The following SCN11A variants were observed in gnomAD, a reference collection of about 807,000 sequenced individuals.
SCN11A encodes the protein sodium channel protein type 11 subunit alpha.
A neutral mutation model predicts 162.2 loss-of-function variants in SCN11A; 122 were observed. The observed-to-expected ratio is 0.75, with a 90% CI of 0.65 to 0.87. The LOEUF is 0.87. Ranked by LOEUF, SCN11A falls within the 40% of genes least tolerant of loss-of-function variation. SCN11A has a pLI of 0.00. For synonymous variants in SCN11A, 758 were observed against 751.5 expected (o/e 1.01, Z -0.14); for missense variants, 2,015 against 2,181.6 (o/e 0.92, Z 1.52).
At chr3:38,893,010 G>C (rs531358058) in intron 19 of SCN11A, among the ~76,000 whole-genome samples, 218 of 152,106 alleles carry the variant, frequency 1.4e-3, no homozygotes, top group African/African-American at 4.8e-3. Context: ...TAAATAAACT[G>C]AATTAACAAC....
intron 19 of SCN11A, among the ~76,000 whole-genome samples, chr3:38,890,400 A>G (rs1023092069): frequency 5.9e-5 from 9 of 152,244 alleles, no homozygotes; most frequent in African/African-American, 1.9e-4. Flanking sequence ...CTTGAAAACA[A>G]TGGATATTGG....
rs911432715 is a variant in SCN11A, at chr3:38,886,946, C to T, written c.2836-708G>A. Among the ~76,000 whole-genome samples the T allele has an allele frequency of 3.9e-5, 6 of 152,126 alleles. 1 individual carries two copies. Among genetic ancestry groups the T allele is most frequent in the Admixed American group, 3.9e-4 (6 of 15,264 alleles). On this transcript the variant is annotated intron_variant, in intron 19 of 29. Coordinates refer to ENST00000302328, the MANE Select transcript of SCN11A (RefSeq NM_001349253.2). ...TCTTCTTTTCCTCTTCCTCTTTCCC[C>T]TCCAAGTCTCAAGATACAACTTTGA...
chr3:38,959,791 C>T (rs1379276566), intron 3 of SCN11A, among the ~76,000 whole-genome samples: 1 of 152,174 alleles, frequency 6.6e-6, no homozygotes, highest in Non-Finnish European at 1.5e-5. Context: ...AGAAAGCAAA[C>T]GAACATGATC....
chr3:38,904,837 CAA>C (rs2065767360), intron 15 of SCN11A, among the ~76,000 whole-genome samples: 1 of 152,174 alleles, frequency 6.6e-6, no homozygotes. Flanking sequence ...CTGGAGACTT[CAA>C]AGTCTTCTGT....
chr3:38,995,564 G>T (rs1204171240), intron 2 of SCN11A, among the ~76,000 whole-genome samples: 2 of 152,164 alleles, frequency 1.3e-5, no homozygotes, highest in African/African-American at 2.4e-5. Context: ...AGAACAGAAA[G>T]GAAGAGGAAG....
In SCN11A at chr3:38,897,103, G is replaced by A; in HGVS notation, c.2145C>T (p.Phe715=). ...TVVLVIVIFI[F]SVVGMQLFGR... is the part of the protein sequence containing the mutation. ...CAAAAAGCTGCATGCCAACTACTGA[G>A]AAAATAAAGATCACAATGACCAGGA... The change falls in exon 18 of 30, where the codon TTC becomes TTT. Residue 715 remains phenylalanine (F), a synonymous_variant. Transcript: ENST00000302328. The A allele has an allele frequency of 6.2e-7, 1 of 1,614,058 alleles. No homozygotes were observed. The highest frequency in any genetic ancestry group is 8.5e-7 in the Non-Finnish European group (1 of 1,179,994).
At chr3:38,918,627 T>C (rs2065998196) in intron 11 of SCN11A, among the ~76,000 whole-genome samples, 1 of 152,154 alleles carries the variant, frequency 6.6e-6, no homozygotes, top group Non-Finnish European at 1.5e-5. Flanking sequence ...CAGGGACCGG[T>C]TTCATGGAAG....
At chr3:38,882,706 A>C (rs1334059172) in intron 22 of SCN11A, among the ~76,000 whole-genome samples, 2 of 151,990 alleles carry the variant, frequency 1.3e-5, no homozygotes, top group Non-Finnish European at 2.9e-5. Flanking sequence ...TCTCATTGGG[A>C]CTCATACCAC....
At chr3:38,896,020 A>C (rs1046191806) in intron 18 of SCN11A, among the ~76,000 whole-genome samples, 2 of 152,196 alleles carry the variant, frequency 1.3e-5, no homozygotes, top group African/African-American at 4.8e-5. Context: ...CCTCCTCATA[A>C]ATATCTATGC....
intron 14 of SCN11A, among the ~76,000 whole-genome samples, chr3:38,907,357 TACACAC>T (rs376599495): frequency 0.047 from 6,074 of 128,430 alleles, 204 homozygotes; most frequent in Middle Eastern, 0.11. Flanking sequence ...TATCTATATA[TACACAC>T]ACACACACAC....
intron 23 of SCN11A, among the ~76,000 whole-genome samples, chr3:38,878,327 G>C (rs1455572631): frequency 1.3e-5 from 2 of 151,814 alleles, no homozygotes; most frequent in Non-Finnish European, 2.9e-5. Flanking sequence ...GTGAATTTGG[G>C]CAATTTATAG....
intron 1 of SCN11A, among the ~76,000 whole-genome samples, chr3:39,040,877 G>C (rs541363214): frequency 3.6e-4 from 55 of 152,072 alleles, no homozygotes; most frequent in African/African-American, 1.3e-3. Flanking sequence ...AGGAGATCGA[G>C]ACCATCCTGA....
At chr3:38,959,716 T>G (rs937070868) in intron 3 of SCN11A, among the ~76,000 whole-genome samples, 1 of 152,222 alleles carries the variant, frequency 6.6e-6, no homozygotes, top group Non-Finnish European at 1.5e-5. Context: ...ATAATCCATA[T>G]TTATTAACGT....
chr3:38,870,786 C>T lies in SCN11A; in HGVS notation c.3760-42G>A, dbSNP rs771562469. 11 of 1,571,288 alleles carry T rather than the reference C, an allele frequency of 7.0e-6. No homozygotes were observed. In the South Asian group the frequency reaches 1.1e-4, roughly 16 times the overall value. On this transcript the variant is annotated intron_variant, in intron 25 of 29. Coordinates refer to ENST00000302328, the MANE Select transcript of SCN11A (RefSeq NM_001349253.2). ...AAAACATGAATAATACAAATGTAGA[C>T]TTGCCATCAACAGATACATGGCATG...
intron 2 of SCN11A, among the ~76,000 whole-genome samples, chr3:38,982,194 C>G (rs901837391): frequency 6.6e-6 from 1 of 152,140 alleles, no homozygotes; most frequent in Non-Finnish European, 1.5e-5. Context: ...GATGAAAGTA[C>G]CAACTTGGGC....
rs1166668521 is a variant in SCN11A at position 38,960,287 on chromosome 3, C to CTTCT, written c.-147_-144dup. Among the ~76,000 whole-genome samples the CTTCT allele has an allele frequency of 6.6e-6, 1 of 152,186 alleles. No homozygotes were observed. Among genetic ancestry groups the CTTCT allele is most frequent in the African/African-American group, 2.4e-5 (1 of 41,444 alleles). ...CACCCGGCCCAGAGGACTTACCTGACTTCTTGGTAAGGTGGCTCCAGACAG... is the reference window on the plus strand; with the variant it reads ...CACCCGGCCCAGAGGACTTACCTGACTTCTTTCTTGGTAAGGTGGCTCCAGACAG... On this transcript the variant is annotated 5_prime_UTR_variant, in exon 3 of 30. The change abolishes the stop of an existing upstream ORF in the 5' untranslated region. Coordinates refer to ENST00000302328, the MANE Select transcript of SCN11A (RefSeq NM_001349253.2).
At chr3:38,980,929 A>G (rs915489726) in intron 2 of SCN11A, among the ~76,000 whole-genome samples, 2 of 152,182 alleles carry the variant, frequency 1.3e-5, no homozygotes, top group Non-Finnish European at 2.9e-5. Context: ...TAAAACCACA[A>G]CTTACACAGA....
rs755871237 is a variant in SCN11A, at chr3:38,899,977, T to G, written c.1939A>C (p.Ile647Leu). Reference sequence around the variant, plus strand: ...TCTGCAAAACTCAGAAGAGCAACAATGCTGTCAAAAATGTTCCAGCCTCGG... The same window carrying G: ...TCTGCAAAACTCAGAAGAGCAACAAGGCTGTCAAAAATGTTCCAGCCTCGG... ...FRRGWNIFDS[I>L]VALLSFADVM... The change falls in exon 17 of 30, where the codon ATT becomes CTT. Residue 647 changes from isoleucine (I) to leucine (L), a missense_variant. Physicochemically the swap from Ile to Leu is conservative, Grantham distance 5 (BLOSUM62 2). Coordinates refer to ENST00000302328, the MANE Select transcript of SCN11A (RefSeq NM_001349253.2). The G allele has an allele frequency of 4.3e-6, 7 of 1,614,104 alleles. No homozygotes were observed. Among genetic ancestry groups the G allele is most frequent in the Middle Eastern group, 1.6e-4 (1 of 6,062 alleles).
At chr3:38,852,037 G>A (rs148966455) in intron 28 of SCN11A, among the ~76,000 whole-genome samples, 1 of 152,236 alleles carries the variant, frequency 6.6e-6, no homozygotes, top group African/African-American at 2.4e-5. Context: ...GGTGCCAGTG[G>A]GGGGTCCAAG....
Sources: allele counts gnomAD v4.1 joint callset (sites outside exome capture counted in the v4.1 genomes callset), GRCh38; gene constraint gnomAD v4.1.1; transcripts MANE v1.5; gene names NCBI Gene and HGNC (gene_info 2026-07-23, HGNC 2026-07-21).